GNAQ: variants seen among roughly 807,000 people sequenced by gnomAD.
The protein encoded by GNAQ is G protein subunit alpha q, also known as guanine nucleotide-binding protein G(q) subunit alpha.
In GNAQ, 8 loss-of-function variants were observed where a neutral mutation model predicts 43.9. The ratio of observed to expected loss-of-function variants is 0.18; its 90% CI spans 0.11 to 0.33. The LOEUF is 0.33. Ranked by LOEUF, GNAQ falls within the 10% of genes least tolerant of loss-of-function variation. The pLI, the probability that GNAQ is intolerant of heterozygous loss-of-function variation, is 1.00. For missense variants in GNAQ, 158 were observed against 450.8 expected, an observed-to-expected ratio of 0.35 and a Z score of 5.88; for synonymous variants, 155 against 170.7, an observed-to-expected ratio of 0.91 and a Z score of 0.71.
At chr9:77,846,062 G>A (rs1425816672) in intron 2 of GNAQ, among the ~76,000 whole-genome samples, 1 of 152,206 alleles carries the variant, frequency 6.6e-6, no homozygotes, top group Non-Finnish European at 1.5e-5. Flanking sequence ...TCAAAGACCT[G>A]AAGATGGTCA....
intron 1 of GNAQ, among the ~76,000 whole-genome samples, chr9:77,991,834 C>G (rs1381406791): frequency 2.0e-5 from 3 of 152,168 alleles, no homozygotes; most frequent in Non-Finnish European, 2.9e-5. Flanking sequence ...TTTTCCATTC[C>G]TGAGTTACTT....
intron 5 of GNAQ, among the ~76,000 whole-genome samples, chr9:77,760,719 G>A (rs969048771): frequency 7.2e-5 from 11 of 151,792 alleles, no homozygotes; most frequent in African/African-American, 2.2e-4. Context: ...TCTGGAAAGT[G>A]AGGAGCGTCT....
At chr9:77,976,739 T>C (rs1383728333) in intron 1 of GNAQ, among the ~76,000 whole-genome samples, 1 of 152,220 alleles carries the variant, frequency 6.6e-6, no homozygotes, top group Non-Finnish European at 1.5e-5. Flanking sequence ...TTCGATTAGT[T>C]GGCAACATTT....
intron 5 of GNAQ, among the ~76,000 whole-genome samples, chr9:77,778,290 A>G (rs547531537): frequency 1.5e-4 from 23 of 151,892 alleles, no homozygotes; most frequent in Admixed American, 3.9e-4. Flanking sequence ...CAAGGGATGG[A>G]AAGAAGGAAT....
At chr9:77,738,157 G>A (rs1414400827) in intron 5 of GNAQ, among the ~76,000 whole-genome samples, 1 of 152,170 alleles carries the variant, frequency 6.6e-6, no homozygotes, top group Non-Finnish European at 1.5e-5. Flanking sequence ...ACCATAGTCA[G>A]TTTTTATTCA....
At chr9:77,739,178 G>C (rs1479049545) in intron 5 of GNAQ, among the ~76,000 whole-genome samples, 2 of 152,026 alleles carry the variant, frequency 1.3e-5, no homozygotes, top group African/African-American at 4.8e-5. Context: ...TACCCTTTTA[G>C]AATCTTTTTC....
At chr9:77,988,988 CAA>C (rs1438848334) in intron 1 of GNAQ, among the ~76,000 whole-genome samples, 1 of 152,152 alleles carries the variant, frequency 6.6e-6, no homozygotes, top group Admixed American at 6.5e-5. Flanking sequence ...AAACGCTGTT[CAA>C]TTCAAGCCCC....
At chr9:77,870,304 G>A (rs1828015578) in intron 2 of GNAQ, among the ~76,000 whole-genome samples, 1 of 147,256 alleles carries the variant, frequency 6.8e-6, no homozygotes, top group Non-Finnish European at 1.5e-5. Context: ...AAGAAAGCTT[G>A]ATGCCTTTTT....
At chr9:77,739,337 TTGTCTGCTCC>T (rs558470281) in intron 5 of GNAQ, among the ~76,000 whole-genome samples, 69 of 152,338 alleles carry the variant, frequency 4.5e-4, no homozygotes, top group Admixed American at 1.4e-3. Flanking sequence ...TTTTCGAGAA[TTGTCTGCTCC>T]TGTCTTTTTG....
At position 77,720,988 on chromosome 9, in the gene GNAQ, T is replaced by C. The variant is rs1347072779; in HGVS notation, c.*335A>G. On this transcript the variant is annotated 3_prime_UTR_variant, in exon 7 of 7. Coordinates refer to ENST00000286548, the MANE Select transcript of GNAQ (RefSeq NM_002072.5). ...GGGAAATCAGCTTTGTTTTGCTCCA[T>C]AGAAAAGAAAAAGAGAGAGAGACAG... 7.0e-5 allele frequency: 18 copies of C among 257,604 alleles called. No individual in the cohort carries two copies. The highest frequency in any genetic ancestry group is 1.1e-4 in the Non-Finnish European group (15 of 134,972). The allele number at this position is 257,604 out of a possible 1,614,324, so 16.0% of individuals were successfully genotyped here.
At chr9:77,761,212 T>C (rs1268904424) in intron 5 of GNAQ, among the ~76,000 whole-genome samples, 14 of 126,924 alleles carry the variant, frequency 1.1e-4, no homozygotes, top group Middle Eastern at 5.6e-3. Context: ...TCTGCCCAGC[T>C]GCCCCTACTG....
At chr9:77,773,447 C>T (rs950575497) in intron 5 of GNAQ, among the ~76,000 whole-genome samples, 6 of 152,164 alleles carry the variant, frequency 3.9e-5, no homozygotes, top group South Asian at 2.1e-4. Context: ...ATCCTCACAG[C>T]GCTTTAAGAG....
chr9:78,027,129 T>G (rs1292884154), intron 1 of GNAQ, among the ~76,000 whole-genome samples: 1 of 152,240 alleles, frequency 6.6e-6, no homozygotes, highest in East Asian at 1.9e-4. Flanking sequence ...AGTACAGAAC[T>G]GTAATACACT....
chr9:77,961,762 A>G (rs150310542), intron 1 of GNAQ, among the ~76,000 whole-genome samples: 58 of 152,312 alleles, frequency 3.8e-4, no homozygotes, highest in Middle Eastern at 3.4e-3. Flanking sequence ...GGAATCCAAA[A>G]TATCCAGCAA....
intron 5 of GNAQ, among the ~76,000 whole-genome samples, chr9:77,792,418 C>A: frequency 6.6e-6 from 1 of 152,078 alleles, no homozygotes. Context: ...ACTGTGGGAA[C>A]TTTAATTATG....
chr9:77,878,062 A>G (rs1216617283), intron 2 of GNAQ, among the ~76,000 whole-genome samples: 3 of 152,164 alleles, frequency 2.0e-5, no homozygotes, highest in Non-Finnish European at 4.4e-5. Context: ...GATAGGTCTC[A>G]TTCTGCTGGC....
intron 5 of GNAQ, among the ~76,000 whole-genome samples, chr9:77,776,175 T>C (rs1826303817): frequency 6.6e-6 from 1 of 152,196 alleles, no homozygotes; most frequent in Non-Finnish European, 1.5e-5. Flanking sequence ...CCATCTCCCT[T>C]TTCCAGCTCT....
At chr9:78,020,862 T>C (rs567634594) in intron 1 of GNAQ, among the ~76,000 whole-genome samples, 15 of 152,048 alleles carry the variant, frequency 9.9e-5, no homozygotes, top group Non-Finnish European at 2.1e-4. Flanking sequence ...CGCTGATAAG[T>C]TGATGAGGAG....
At chr9:77,933,507 G>C (rs977240082) in intron 1 of GNAQ, among the ~76,000 whole-genome samples, 8 of 151,946 alleles carry the variant, frequency 5.3e-5, no homozygotes, top group African/African-American at 1.9e-4. Flanking sequence ...TAGCCAGACG[G>C]GGTGGTGCAC....
Sources: allele counts gnomAD v4.1 joint callset (sites outside exome capture counted in the v4.1 genomes callset), GRCh38; gene constraint gnomAD v4.1.1; transcripts MANE v1.5; gene names NCBI Gene and HGNC (gene_info 2026-07-23, HGNC 2026-07-21).